CASR: variants seen among roughly 807,000 people sequenced by gnomAD.
CASR encodes the protein extracellular calcium-sensing receptor.
CASR carries 23 observed loss-of-function variants against 69.1 expected under a neutral mutation model. That is an observed-to-expected ratio of 0.33 (90% CI 0.24 to 0.47). The LOEUF is 0.47. Ranked by LOEUF, CASR falls within the 20% of genes least tolerant of loss-of-function variation. CASR has a pLI of 1.00. For missense variants in CASR, 924 were observed against 1,356.1 expected (o/e 0.68, Z 5.00); for synonymous variants, 541 against 544.7 (o/e 0.99, Z 0.10).
At chr3:122,252,941 G>C (rs1408039123) in intron 1 of CASR, among the ~76,000 whole-genome samples, 3 of 152,190 alleles carry the variant, frequency 2.0e-5, no homozygotes, top group African/African-American at 4.8e-5. Flanking sequence ...CACAGGGTGA[G>C]TGAGATAGGG....
chr3:122,277,964 A>C (rs1191199628), intron 5 of CASR, among the ~76,000 whole-genome samples: 1 of 152,186 alleles, frequency 6.6e-6, no homozygotes, highest in Admixed American at 6.5e-5. Context: ...TTTTTTCCAT[A>C]GAAATATTAC....
At chr3:122,265,508 C>T (rs776830555) in intron 4 of CASR, among the ~76,000 whole-genome samples, 1 of 152,142 alleles carries the variant, frequency 6.6e-6, no homozygotes, top group African/African-American at 2.4e-5. Context: ...TTGTTCAGTA[C>T]TATGTTCAGA....
At chr3:122,215,344 TAGG>T (rs1314328577) in intron 1 of CASR, among the ~76,000 whole-genome samples, 1 of 152,228 alleles carries the variant, frequency 6.6e-6, no homozygotes, top group Non-Finnish European at 1.5e-5. Flanking sequence ...AAGAGATTCT[TAGG>T]GAGTTGAGTG....
chr3:122,236,915 A>T (rs1576840176), intron 1 of CASR, among the ~76,000 whole-genome samples: 1 of 152,244 alleles, frequency 6.6e-6, no homozygotes, highest in East Asian at 1.9e-4. Flanking sequence ...CTTTAAATTA[A>T]TGAAAATTTT....
At chr3:122,276,247 A>G (rs1215942347) in intron 5 of CASR, among the ~76,000 whole-genome samples, 2 of 152,232 alleles carry the variant, frequency 1.3e-5, no homozygotes, top group Non-Finnish European at 2.9e-5. Flanking sequence ...CCTGAGCCCC[A>G]TGCCTTCCTA....
chr3:122,290,995 T>C lies in CASR; in HGVS notation c.*5804T>C, dbSNP rs1005717563. 5.3e-5 allele frequency: 8 copies of C among 151,492 alleles called. No homozygotes were observed. The highest frequency in any genetic ancestry group is 1.9e-4 in the African/African-American group (8 of 41,216). 9.4% of individuals were successfully genotyped at this position (151,492 alleles called of 1,614,324 possible). A position where few individuals can be genotyped will look rare whatever the true frequency, so the allele number is the denominator to read the frequency against. On this transcript the variant is annotated 3_prime_UTR_variant, in exon 7 of 7. Coordinates refer to ENST00000639785, the MANE Select transcript of CASR (RefSeq NM_000388.4). ...ATACGTGGTGTTTGGTTTTTTGTCC[T>C]TGTATTAGTTTGCTGAGAATGATGG... is the stretch of plus-strand genomic sequence containing the variant.
intron 3 of CASR, among the ~76,000 whole-genome samples, chr3:122,259,507 C>T (rs1398490768): frequency 1.3e-5 from 2 of 152,100 alleles, no homozygotes; most frequent in Non-Finnish European, 2.9e-5. Flanking sequence ...AAAATAAAAG[C>T]TCTTGTCAGA....
At chr3:122,272,989 A>T (rs2074776586) in intron 4 of CASR, among the ~76,000 whole-genome samples, 1 of 152,222 alleles carries the variant, frequency 6.6e-6, no homozygotes, top group Non-Finnish European at 1.5e-5. Context: ...CCAGCTAATT[A>T]TGAAAGGATC....
At chr3:122,207,802 C>T (rs2074022424) in intron 1 of CASR, among the ~76,000 whole-genome samples, 1 of 152,068 alleles carries the variant, frequency 6.6e-6, no homozygotes, top group South Asian at 2.1e-4. Flanking sequence ...TTGTAATAAA[C>T]TTCATTCCTA....
At position 122,290,818 on chromosome 3, in the gene CASR, T is replaced by C. The variant is rs978012896; in HGVS notation, c.*5627T>C. On this transcript the variant is annotated 3_prime_UTR_variant, in exon 7 of 7. Transcript: ENST00000639785. ...TATGTATACATGTGCCATGTTGGTG[T>C]GCTGTACCCATTAACTCGTCATTTA... 1 of 151,670 alleles carries C rather than the reference T, an allele frequency of 6.6e-6. No homozygotes were observed. Among genetic ancestry groups the C allele is most frequent in the Non-Finnish European group, 1.5e-5 (1 of 67,918 alleles). The allele number at this position is 151,670 out of a possible 1,614,324, so 9.4% of individuals were successfully genotyped here.
rs191245897 is a variant in CASR, at chr3:122,198,452, A to G, written c.-243+14640A>G. Among the ~76,000 whole-genome samples the G allele has an allele frequency of 3.3e-5, 5 of 152,328 alleles. No individual in the cohort carries two copies. The East Asian group carries it at 5.8e-4, about 18-fold the overall frequency. On this transcript the variant is annotated intron_variant, in intron 1 of 6. Transcript: ENST00000639785. ...TGTATGTATTTATGATAACAAATATATATTTTGAATAAAAGTTGCAGACCA... is the reference window on the plus strand; with the variant it reads ...TGTATGTATTTATGATAACAAATATGTATTTTGAATAAAAGTTGCAGACCA...
At chr3:122,266,220 G>C (rs151047224) in intron 4 of CASR, among the ~76,000 whole-genome samples, 2 of 147,692 alleles carry the variant, frequency 1.4e-5, no homozygotes, top group African/African-American at 5.1e-5. Context: ...GCAACCGTTT[G>C]ACTTTAAAAT....
intron 3 of CASR, among the ~76,000 whole-genome samples, chr3:122,258,601 G>T (rs777000888): frequency 4.6e-5 from 7 of 152,138 alleles, no homozygotes; most frequent in Admixed American, 2.0e-4. Flanking sequence ...ATGGCCAACA[G>T]GCTAAGATGT....
chr3:122,231,147 A>T (rs1053516232), intron 1 of CASR, among the ~76,000 whole-genome samples: 1 of 152,104 alleles, frequency 6.6e-6, no homozygotes, highest in African/African-American at 2.4e-5. Context: ...CCTGCAGCTA[A>T]TCCCATCCAC....
intron 4 of CASR, among the ~76,000 whole-genome samples, chr3:122,267,382 T>C (rs1416389510): frequency 2.0e-5 from 3 of 152,150 alleles, no homozygotes; most frequent in African/African-American, 7.2e-5. Flanking sequence ...ATACCTGCTG[T>C]GAGGACATAG....
At chr3:122,204,271 CCT>C (rs2073985189) in intron 1 of CASR, among the ~76,000 whole-genome samples, 1 of 152,142 alleles carries the variant, frequency 6.6e-6, no homozygotes, top group African/African-American at 2.4e-5. Flanking sequence ...CCACTAGTCT[CCT>C]CTCTGTTTTC....
Position 122,262,122 on chromosome 3 carries a change from G to A in CASR, c.1087G>A (p.Gly363Ser), listed in dbSNP as rs757475954. Residue 363 changes from glycine to serine, a missense_variant, in exon 4 of 7, where the codon GGT (glycine) becomes AGT (serine). Transcript: ENST00000639785. ...EETFNCHLQE[G>S]AKGPLPVDTF... ...AACATTTAACTGCCACCTCCAAGAA[G>A]GTGCAAAAGGACCTTTACCTGTGGA... 6 of 1,614,160 alleles carry A rather than the reference G, an allele frequency of 3.7e-6. No individual in the cohort carries two copies. The East Asian group carries it at 8.9e-5, about 24-fold the overall frequency.
At chr3:122,218,871 A>T (rs2074144081) in intron 1 of CASR, among the ~76,000 whole-genome samples, 1 of 152,220 alleles carries the variant, frequency 6.6e-6, no homozygotes, top group African/African-American at 2.4e-5. Flanking sequence ...ACAACAAAAA[A>T]ATAAGGGACA....
chr3:122,247,598 C>T (rs1006682145), intron 1 of CASR: 4 of 152,194 alleles, frequency 2.6e-5, no homozygotes, highest in East Asian at 1.9e-4. Flanking sequence ...TGGGCTATGT[C>T]GCCAGCAACT....
Sources: gnomAD v4.1 joint callset for allele counts (sites outside exome capture counted in the v4.1 genomes callset) on GRCh38, gnomAD v4.1.1 for gene constraint, MANE v1.5 for transcripts, NCBI Gene and HGNC (gene_info 2026-07-23, HGNC 2026-07-21) for gene names.